TENM1: variants seen among roughly 807,000 people sequenced by gnomAD.
The protein encoded by TENM1 is teneurin-1.
A neutral mutation model predicts 174.8 loss-of-function variants in TENM1; 35 were observed. That is an observed-to-expected ratio of 0.20 (90% CI 0.15 to 0.27). The LOEUF is 0.27. Ranked by LOEUF, TENM1 falls within the 10% of genes least tolerant of loss-of-function variation. The probability of loss-of-function intolerance (pLI) is 1.00; values close to 1 mark genes in which losing one functional copy is unlikely to be tolerated. For missense variants in TENM1, 1,633 were observed against 2,130.1 expected (o/e 0.77, Z 4.59); for synonymous variants, 781 against 798.7 (o/e 0.98, Z 0.37).
chrX:124,443,010 C>A (rs192791498), intron 23 of TENM1, among the ~76,000 whole-genome samples: 123 of 97,698 alleles, frequency 1.3e-3, no homozygotes, highest in African/African-American at 4.6e-3. Context: ...TTTTTTCCAC[C>A]CAGATTGCTG....
chrX:125,018,820 C>T, the TENM1 span, among the ~76,000 whole-genome samples: 1 of 111,156 alleles, frequency 9.0e-6, no homozygotes, highest in Non-Finnish European at 1.9e-5. Context: ...CAAGCATATC[C>T]CTACAGACTA....
intron 1 of TENM1, among the ~76,000 whole-genome samples, chrX:124,913,556 G>C (rs1488483019): frequency 2.7e-5 from 3 of 111,796 alleles, no homozygotes; most frequent in Non-Finnish European, 5.6e-5. Context: ...ATATACACAT[G>C]TGCACACAAT....
chrX:124,699,754 A>G (rs1301171589), intron 5 of TENM1, among the ~76,000 whole-genome samples: 1 of 111,814 alleles, frequency 8.9e-6, no homozygotes, highest in African/African-American at 3.2e-5. Context: ...TATGGAATAT[A>G]TTATACCAAA....
chrX:124,867,470 G>A (rs1008464122), intron 3 of TENM1, among the ~76,000 whole-genome samples: 18 of 111,664 alleles, frequency 1.6e-4, no homozygotes, highest in Non-Finnish European at 2.8e-4. Flanking sequence ...AGAACACTGG[G>A]GATAGAAGAA....
At chrX:124,756,812 G>A (rs1291030568) in intron 3 of TENM1, among the ~76,000 whole-genome samples, 7 of 111,712 alleles carry the variant, frequency 6.3e-5, no homozygotes, top group East Asian at 2.8e-4. Context: ...GTGGATTTAC[G>A]TGAACCGCGA....
intron 1 of TENM1, among the ~76,000 whole-genome samples, chrX:124,915,561 C>T (rs2057909033): frequency 8.9e-6 from 1 of 112,270 alleles, no homozygotes; most frequent in Non-Finnish European, 1.9e-5. Context: ...GGGCAGGGAC[C>T]ATGTCTGTCT....
intron 25 of TENM1, among the ~76,000 whole-genome samples, chrX:124,407,599 G>C (rs1222354120): frequency 8.9e-6 from 1 of 112,068 alleles, no homozygotes; most frequent in Non-Finnish European, 1.9e-5. Flanking sequence ...ACTCAGCCTG[G>C]GTAGTTGCTC....
At chrX:124,631,713 C>A (rs1386500132) in intron 11 of TENM1, among the ~76,000 whole-genome samples, 1 of 107,775 alleles carries the variant, frequency 9.3e-6, no homozygotes, top group Non-Finnish European at 1.9e-5. Context: ...GTCTGGCCAA[C>A]ATAGTGAAAC....
At chrX:124,665,040 A>G (rs1206101110) in intron 6 of TENM1, among the ~76,000 whole-genome samples, 1 of 111,921 alleles carries the variant, frequency 8.9e-6, no homozygotes, top group East Asian at 2.8e-4. Flanking sequence ...TTTCAACTAT[A>G]AAACATGGGT....
At chrX:124,523,369 G>A in exon 17 of TENM1, 1 of 1,211,325 alleles carries the variant, frequency 8.3e-7, no homozygotes, top group South Asian at 1.8e-5. Flanking sequence ...CTCACCTGCA[G>A]CTCAGGAACA....
At chrX:124,455,479 T>C (rs759432863) in intron 22 of TENM1, among the ~76,000 whole-genome samples, 1 of 111,740 alleles carries the variant, frequency 8.9e-6, no homozygotes, top group Non-Finnish European at 1.9e-5. Flanking sequence ...ACCTATTATT[T>C]AGAACCACCT....
At chrX:124,647,755 T>G (rs778184474) in intron 8 of TENM1, among the ~76,000 whole-genome samples, 3,543 of 98,431 alleles carry the variant, frequency 0.036, 185 homozygotes, top group African/African-American at 0.14. Context: ...GTGTGTGTGT[T>G]TGTGTGTGTG....
the TENM1 span, among the ~76,000 whole-genome samples, chrX:125,117,092 G>A: frequency 9.0e-6 from 1 of 110,710 alleles, no homozygotes; most frequent in Non-Finnish European, 1.9e-5. Flanking sequence ...TACACCATTG[G>A]TGGGAGTGTA....
At chrX:125,111,047 T>C in the TENM1 span, among the ~76,000 whole-genome samples, 8 of 112,154 alleles carry the variant, frequency 7.1e-5, no homozygotes, top group Non-Finnish European at 1.5e-4. Context: ...TAAATATTTG[T>C]TGAATAATCG....
intron 5 of TENM1, among the ~76,000 whole-genome samples, chrX:124,676,313 T>C (rs181896086): frequency 5.8e-4 from 30 of 52,006 alleles, no homozygotes; most frequent in South Asian, 4.5e-3. Context: ...TATATATATA[T>C]ACTCAATGAA....
intron 3 of TENM1, among the ~76,000 whole-genome samples, chrX:124,820,335 C>A (rs373694516): frequency 4.9e-4 from 55 of 111,293 alleles, no homozygotes; most frequent in African/African-American, 9.2e-4. Flanking sequence ...GCCGCCCCCC[C>A]ACCACAGATC....
chrX:124,397,592 T>TTTTTTG (rs1330564390), intron 27 of TENM1, among the ~76,000 whole-genome samples: 1 of 110,980 alleles, frequency 9.0e-6, no homozygotes, highest in Non-Finnish European at 1.9e-5. Flanking sequence ...TGCATTTAAT[T>TTTTTTG]TTTTTGTTTT....
intron 6 of TENM1, among the ~76,000 whole-genome samples, chrX:124,669,447 T>C (rs977103878): frequency 3.6e-5 from 4 of 111,704 alleles, no homozygotes; most frequent in Non-Finnish European, 5.6e-5. Context: ...GCTGTATTTA[T>C]GGGATGTGTC....
chrX:124,868,566 T>G (rs1466536876), intron 3 of TENM1, among the ~76,000 whole-genome samples: 3 of 111,438 alleles, frequency 2.7e-5, no homozygotes, highest in Non-Finnish European at 5.6e-5. Flanking sequence ...GATATTACTC[T>G]GGGCAAAAAA....
Sources: allele counts gnomAD v4.1 joint callset (sites outside exome capture counted in the v4.1 genomes callset), GRCh38; gene constraint gnomAD v4.1.1; transcripts MANE v1.5; gene names NCBI Gene and HGNC (gene_info 2026-07-23, HGNC 2026-07-21).